MTREX: variants seen among roughly 807,000 people sequenced by gnomAD.
MTREX encodes the protein Mtr4 exosome RNA helicase.
MTREX carries 76 observed loss-of-function variants against 135.4 expected under a neutral mutation model. The observed-to-expected ratio is 0.56, with a 90% CI of 0.47 to 0.68. MTREX has a LOEUF of 0.68. Among genes scored for constraint, MTREX ranks in the 30% least tolerant of loss-of-function variants. MTREX has a pLI of 0.00. For missense variants in MTREX, 920 were observed against 1,262.1 expected, an observed-to-expected ratio of 0.73 and a Z score of 4.11; for synonymous variants, 404 against 401.6, an observed-to-expected ratio of 1.01 and a Z score of -0.07.
intron 14 of MTREX, 118 bp downstream of exon 14, chr5:55,353,387 A>C (rs11748459): frequency 8.5e-6 from 5 of 589,082 alleles, no homozygotes; most frequent in African/African-American, 1.9e-5. Context: ...AACCTGAGCT[A>C]ATACAGTTTC....
chr5:55,374,843 A>G (rs957582668), intron 16 of MTREX, among the ~76,000 whole-genome samples: 1 of 152,236 alleles, frequency 6.6e-6, no homozygotes, highest in Non-Finnish European at 1.5e-5. Context: ...CCTAATTATC[A>G]GGGAACCTGC....
chr5:55,329,170 T>C (rs1749428442), intron 5 of MTREX, among the ~76,000 whole-genome samples: 1 of 152,032 alleles, frequency 6.6e-6, no homozygotes, highest in African/African-American at 2.4e-5. Context: ...ATTTAGATAC[T>C]GGATTTTGTC....
intron 20 of MTREX, among the ~76,000 whole-genome samples, chr5:55,398,995 CT>C (rs1207509857): frequency 6.6e-6 from 1 of 152,138 alleles, no homozygotes; most frequent in African/African-American, 2.4e-5. Context: ...AAAGATTTCC[CT>C]TTAGCTACAT....
chr5:55,357,898 A>C (rs530889970), intron 14 of MTREX, among the ~76,000 whole-genome samples: 4 of 152,302 alleles, frequency 2.6e-5, no homozygotes, highest in South Asian at 2.1e-4. Flanking sequence ...ACCAAACTCC[A>C]AGCATACATA....
At chr5:55,390,476 G>T (rs1459385772) in intron 19 of MTREX, among the ~76,000 whole-genome samples, 1 of 152,180 alleles carries the variant, frequency 6.6e-6, no homozygotes, top group South Asian at 2.1e-4. Context: ...AAAAGGCTTA[G>T]AGTGTGTGTG....
intron 5 of MTREX, among the ~76,000 whole-genome samples, chr5:55,336,713 G>A (rs1327240189): frequency 1.3e-5 from 2 of 152,152 alleles, no homozygotes; most frequent in Admixed American, 6.6e-5. Flanking sequence ...TCTGCAGTAG[G>A]CCCTGTGGAA....
At chr5:55,329,069 A>G (rs1010530245) in intron 5 of MTREX, among the ~76,000 whole-genome samples, 2 of 152,180 alleles carry the variant, frequency 1.3e-5, no homozygotes, top group African/African-American at 4.8e-5. Context: ...GGTTTTTCAC[A>G]GATGCTTTTT....
chr5:55,360,625 C>G (rs996898260), intron 15 of MTREX, among the ~76,000 whole-genome samples: 1 of 152,088 alleles, frequency 6.6e-6, no homozygotes, highest in African/African-American at 2.4e-5. Context: ...GTTAGCTGCC[C>G]TTTTGGTTAA....
rs901068722 is a variant in MTREX, at chr5:55,377,001, G to T, written c.1811-1313G>T. Among the ~76,000 whole-genome samples, 3 of 151,704 alleles carry T rather than the reference G, an allele frequency of 2.0e-5. No homozygotes were observed. The East Asian group carries it at 5.8e-4, about 29-fold the overall frequency. ...CAGGAGAATCACTTAAACCTGTGAGGCTGAGGTTGCAGTGAGCCAAGACTG... is the reference window on the plus strand; with the variant it reads ...CAGGAGAATCACTTAAACCTGTGAGTCTGAGGTTGCAGTGAGCCAAGACTG... On this transcript the variant is annotated intron_variant, in intron 16 of 26. Coordinates refer to ENST00000230640, the MANE Select transcript of MTREX (RefSeq NM_015360.5).
chr5:55,311,426 G>C (rs555164397), intron 1 of MTREX, among the ~76,000 whole-genome samples: 22 of 152,174 alleles, frequency 1.4e-4, no homozygotes, highest in Admixed American at 9.8e-4. Context: ...TGTCCCTTAA[G>C]TATTTTATGC....
At chr5:55,352,667 A>G (rs575744103) in intron 13 of MTREX, among the ~76,000 whole-genome samples, 2 of 152,288 alleles carry the variant, frequency 1.3e-5, no homozygotes, top group South Asian at 2.1e-4. Flanking sequence ...CTTCTTTCCT[A>G]GAGAATTTAG....
At chr5:55,422,574 A>T (rs894886955) in intron 25 of MTREX, among the ~76,000 whole-genome samples, 3 of 152,170 alleles carry the variant, frequency 2.0e-5, no homozygotes, top group Non-Finnish European at 2.9e-5. Context: ...TTACAGACAC[A>T]GATTATGTCA....
At chr5:55,382,993 T>G (rs990800931) in intron 18 of MTREX, among the ~76,000 whole-genome samples, 1 of 152,238 alleles carries the variant, frequency 6.6e-6, no homozygotes, top group African/African-American at 2.4e-5. Context: ...TATATAGCTT[T>G]TGTTATATTA....
At chr5:55,323,984 C>G (rs1168659419) in intron 2 of MTREX, 148 bp from the exon 3 acceptor site, 1 of 596,900 alleles carries the variant, frequency 1.7e-6, no homozygotes, top group African/African-American at 1.9e-5. Context: ...GAAAACATTT[C>G]TATGTATTCT....
At chr5:55,318,571 A>G (rs1579845545) in intron 1 of MTREX, among the ~76,000 whole-genome samples, 1 of 152,338 alleles carries the variant, frequency 6.6e-6, no homozygotes. Flanking sequence ...CTAAAAGATA[A>G]CTTATGAACA....
intron 16 of MTREX, among the ~76,000 whole-genome samples, chr5:55,377,056 T>C (rs1187431678): frequency 6.9e-6 from 1 of 145,780 alleles, no homozygotes; most frequent in Non-Finnish European, 1.5e-5. Context: ...AAGGCCGGGC[T>C]TGGTGGCTCA....
intron 16 of MTREX, among the ~76,000 whole-genome samples, chr5:55,371,432 C>G (rs1750195411): frequency 6.6e-6 from 1 of 152,114 alleles, no homozygotes; most frequent in South Asian, 2.1e-4. Context: ...ACCACCATCT[C>G]TCATCTTCCT....
At chr5:55,330,180 A>G (rs2112042185) in intron 5 of MTREX, among the ~76,000 whole-genome samples, 1 of 152,056 alleles carries the variant, frequency 6.6e-6, no homozygotes, top group East Asian at 1.9e-4. Context: ...TGTGGGCTCA[A>G]GCAGTCCAAC....
At chr5:55,359,907 A>G (rs888984986) in intron 15 of MTREX, among the ~76,000 whole-genome samples, 1 of 152,114 alleles carries the variant, frequency 6.6e-6, no homozygotes, top group South Asian at 2.1e-4. Context: ...ATCACCTTTC[A>G]TTGCATTTTT....
Sources: allele counts gnomAD v4.1 joint callset (sites outside exome capture counted in the v4.1 genomes callset), GRCh38; gene constraint gnomAD v4.1.1; transcripts MANE v1.5; gene names NCBI Gene and HGNC (gene_info 2026-07-23, HGNC 2026-07-21).